NTM: variants seen among roughly 807,000 people sequenced by gnomAD.
NTM encodes the protein IgLON family member 2.
A neutral mutation model predicts 42.1 loss-of-function variants in NTM; 13 were observed. The observed-to-expected ratio is 0.31, with a 90% confidence interval of 0.20 to 0.49. The LOEUF is 0.49. Among genes scored for constraint, NTM ranks in the 20% least tolerant of loss-of-function variants. NTM has a pLI of 0.99. For synonymous variants in NTM, 187 were observed against 179.2 expected (o/e 1.04, Z -0.35); for missense variants, 373 against 452.8 (o/e 0.82, Z 1.60).
chr11:131,451,895 G>A (rs1950516507), intron 1 of NTM, among the ~76,000 whole-genome samples: 1 of 152,150 alleles, frequency 6.6e-6, no homozygotes, highest in Admixed American at 6.5e-5. Context: ...ATCAGGCTCT[G>A]GCCCATGATG....
intron 1 of NTM, among the ~76,000 whole-genome samples, chr11:131,439,724 C>T (rs1249028868): frequency 6.6e-6 from 1 of 152,196 alleles, no homozygotes; most frequent in Non-Finnish European, 1.5e-5. Flanking sequence ...CATGGCTTCC[C>T]TTGGCTAGGA....
intron 1 of NTM, among the ~76,000 whole-genome samples, chr11:131,450,781 G>A (rs1950421238): frequency 6.6e-6 from 1 of 152,118 alleles, no homozygotes; most frequent in South Asian, 2.1e-4. Flanking sequence ...TATCTGTGCT[G>A]GGCTCTACCT....
intron 4 of NTM, among the ~76,000 whole-genome samples, chr11:132,270,566 A>T (rs947039470): frequency 2.6e-5 from 4 of 152,120 alleles, no homozygotes; most frequent in Non-Finnish European, 4.4e-5. Flanking sequence ...TATTTGTCCA[A>T]AGAAATTTAG....
intron 1 of NTM, among the ~76,000 whole-genome samples, chr11:131,699,222 A>T (rs1170642063): frequency 6.6e-6 from 1 of 152,238 alleles, no homozygotes; most frequent in Non-Finnish European, 1.5e-5. Context: ...AGTGGGGCTG[A>T]ACTATACAGA....
chr11:131,819,427 C>A (rs1644040197), intron 1 of NTM, among the ~76,000 whole-genome samples: 1 of 152,186 alleles, frequency 6.6e-6, no homozygotes, highest in African/African-American at 2.4e-5. Context: ...TACTGTCCTG[C>A]TCACTCACAT....
At chr11:131,863,755 A>G (rs2046871908) in intron 1 of NTM, among the ~76,000 whole-genome samples, 1 of 152,166 alleles carries the variant, frequency 6.6e-6, no homozygotes, top group African/African-American at 2.4e-5. Context: ...TTCCCTAAAA[A>G]TCTTCCACAG....
chr11:131,753,990 G>C (rs1455389659), intron 1 of NTM, among the ~76,000 whole-genome samples: 1 of 151,696 alleles, frequency 6.6e-6, no homozygotes, highest in Admixed American at 6.6e-5. Flanking sequence ...TAGTGACTTG[G>C]ATGAAGCTGG....
intron 1 of NTM, among the ~76,000 whole-genome samples, chr11:131,469,987 C>T (rs1555120485): frequency 6.6e-6 from 1 of 152,104 alleles, no homozygotes; most frequent in Non-Finnish European, 1.5e-5. Flanking sequence ...CTCTGTAGCT[C>T]TTTATGGTAT....
At chr11:131,641,946 C>T (rs573776673) in intron 1 of NTM, among the ~76,000 whole-genome samples, 7 of 152,164 alleles carry the variant, frequency 4.6e-5, no homozygotes, top group Middle Eastern at 3.4e-3. Context: ...AGGATGGTCT[C>T]GATCTCCTGA....
intron 2 of NTM, among the ~76,000 whole-genome samples, chr11:132,050,916 A>G (rs1273376372): frequency 6.6e-6 from 1 of 152,172 alleles, no homozygotes; most frequent in Non-Finnish European, 1.5e-5. Flanking sequence ...TCTTCTGCAT[A>G]ACTATGCCTG....
At position 131,565,760 on chromosome 11, in the gene NTM, C is replaced by T. The variant is rs190938750; in HGVS notation, c.82+194872C>T. 2.6e-5 allele frequency among the ~76,000 whole-genome samples: 4 copies of T among 152,274 alleles called. No homozygotes were observed. In the East Asian group the frequency reaches 7.7e-4, roughly 29 times the overall value. Reference sequence around the variant, plus strand: ...CTGAGATCCTGTGGGGACTCTGCCCCGTGACTTCTGAACACCCTGGACCTG... The same window carrying T: ...CTGAGATCCTGTGGGGACTCTGCCCTGTGACTTCTGAACACCCTGGACCTG... On this transcript the variant is annotated intron_variant, in intron 1 of 8. Transcript: ENST00000683400.
chr11:131,879,603 T>C (rs1298765248), intron 1 of NTM, among the ~76,000 whole-genome samples: 1 of 152,188 alleles, frequency 6.6e-6, no homozygotes, highest in Non-Finnish European at 1.5e-5. Context: ...CTATAATGTC[T>C]TGGGAAAAAC....
At chr11:131,976,543 T>C (rs985068931) in intron 2 of NTM, among the ~76,000 whole-genome samples, 2 of 152,194 alleles carry the variant, frequency 1.3e-5, no homozygotes, top group African/African-American at 4.8e-5. Flanking sequence ...GGCACACTGT[T>C]CAACACACAG....
chr11:131,381,423 A>G (rs1942666503), intron 1 of NTM, among the ~76,000 whole-genome samples: 1 of 152,238 alleles, frequency 6.6e-6, no homozygotes. Flanking sequence ...GAATATTTAT[A>G]GTTGGATAAA....
At chr11:131,948,842 A>G (rs191739320) in intron 2 of NTM, among the ~76,000 whole-genome samples, 1 of 152,306 alleles carries the variant, frequency 6.6e-6, no homozygotes, top group Admixed American at 6.5e-5. Context: ...TGGTCAGATT[A>G]CCTAACATGA....
chr11:132,275,412 A>G (rs1015745810), intron 4 of NTM, among the ~76,000 whole-genome samples: 15 of 152,172 alleles, frequency 9.9e-5, no homozygotes, highest in Middle Eastern at 3.4e-3. Context: ...CCTTGTGCCA[A>G]TGCCACAGTG....
At chr11:132,062,830 A>G (rs1566059630) in intron 2 of NTM, among the ~76,000 whole-genome samples, 1 of 152,122 alleles carries the variant, frequency 6.6e-6, no homozygotes, top group Non-Finnish European at 1.5e-5. Flanking sequence ...GAATAGTAGA[A>G]ACTCCATGGA....
At chr11:131,818,216 C>T (rs1019359142) in intron 1 of NTM, among the ~76,000 whole-genome samples, 10 of 148,516 alleles carry the variant, frequency 6.7e-5, no homozygotes, top group African/African-American at 2.1e-4. Flanking sequence ...TCAGTCCTGT[C>T]GGTATCTCCT....
intron 1 of NTM, among the ~76,000 whole-genome samples, chr11:131,870,654 G>C (rs2047685331): frequency 6.6e-6 from 1 of 152,060 alleles, no homozygotes; most frequent in Admixed American, 6.5e-5. Context: ...ATCTTAAGGG[G>C]GAGAAAGTGC....
Sources: allele counts gnomAD v4.1 joint callset (sites outside exome capture counted in the v4.1 genomes callset), GRCh38; gene constraint gnomAD v4.1.1; transcripts MANE v1.5; gene names NCBI Gene and HGNC (gene_info 2026-07-23, HGNC 2026-07-21).